PTPRA: variants seen among roughly 807,000 people sequenced by gnomAD.
PTPRA encodes the protein receptor-type tyrosine-protein phosphatase alpha.
PTPRA carries 25 observed loss-of-function variants against 104.8 expected under a neutral mutation model. The ratio of observed to expected loss-of-function variants is 0.24; its 90% confidence interval spans 0.17 to 0.33. PTPRA has a LOEUF of 0.33. Ranked by LOEUF, PTPRA falls within the 10% of genes least tolerant of loss-of-function variation. The pLI is 1.00. For synonymous variants in PTPRA, 323 were observed against 368.9 expected, an observed-to-expected ratio of 0.88 and a Z score of 1.43; for missense variants, 765 against 1,015.3, an observed-to-expected ratio of 0.75 and a Z score of 3.35.
At chr20:2,893,459 T>A (rs1164179576) in intron 1 of PTPRA, among the ~76,000 whole-genome samples, 1 of 152,216 alleles carries the variant, frequency 6.6e-6, no homozygotes, top group Non-Finnish European at 1.5e-5. Flanking sequence ...ATTTCTTACA[T>A]TTAGATGACA....
intron 3 of PTPRA, among the ~76,000 whole-genome samples, chr20:2,962,679 G>GT (rs2061797419): frequency 1.3e-5 from 2 of 152,202 alleles, no homozygotes; most frequent in Non-Finnish European, 2.9e-5. Context: ...GTTATAAAAT[G>GT]TAAGTTTTAT....
Position 2,888,835 on chromosome 20 carries a change from A to G in PTPRA, c.-129+15075A>G, listed in dbSNP as rs913300982. Among the ~76,000 whole-genome samples, 8 of 152,156 alleles carry G rather than the reference A, an allele frequency of 5.3e-5. No individual in the cohort carries two copies. The South Asian group carries it at 6.2e-4, about 12-fold the overall frequency. On this transcript the variant is annotated intron_variant, in intron 1 of 23. Transcript: ENST00000399903. ...CTTAAGTTTGGTATTTCAAGTAACA[A>G]TAAGGGAAGATAGGAGAGTTTTATG...
intron 1 of PTPRA, among the ~76,000 whole-genome samples, chr20:2,884,812 G>GTTTTTTTTT (rs34457101): frequency 1.7e-4 from 22 of 127,008 alleles, no homozygotes; most frequent in Non-Finnish European, 2.6e-4. Context: ...TGTTTTTTTT[G>GTTTTTTTTT]TTTTTTTTTT....
At position 3,037,659 on chromosome 20, in the gene PTPRA, A is replaced by C. The variant is rs2065867999; in HGVS notation, c.2334+370A>C. The stretch of plus-strand genomic sequence containing the variant: ...CGCACATCCACAGAGGTTTTCCTGA[A>C]TCCCATGGAGCTAGAAATGTTTGGG... On this transcript the variant is annotated intron_variant, in intron 23 of 23. Coordinates refer to ENST00000399903, the MANE Select transcript of PTPRA (RefSeq NM_001385305.1). This position sits in a 1 kb window ranked among gnomAD's most constrained non-coding sequence, Gnocchi z 4.3. Among the ~76,000 whole-genome samples the C allele has an allele frequency of 6.6e-6, 1 of 152,198 alleles. No individual in the cohort carries two copies. Among genetic ancestry groups the C allele is most frequent in the Non-Finnish European group, 1.5e-5 (1 of 68,042 alleles).
chr20:2,902,331 A>G (rs564093986), intron 1 of PTPRA, among the ~76,000 whole-genome samples: 1 of 152,210 alleles, frequency 6.6e-6, no homozygotes, highest in Non-Finnish European at 1.5e-5. Flanking sequence ...GGCACATTCA[A>G]CACAAATCAA....
intron 9 of PTPRA, among the ~76,000 whole-genome samples, chr20:2,995,045 G>A (rs1022088806): frequency 3.3e-5 from 5 of 151,792 alleles, no homozygotes; most frequent in African/African-American, 4.8e-5. Flanking sequence ...CAGGAGAATC[G>A]CTTGAACCCG....
intron 1 of PTPRA, among the ~76,000 whole-genome samples, chr20:2,885,815 C>T (rs2090349687): frequency 6.6e-6 from 1 of 152,198 alleles, no homozygotes; most frequent in South Asian, 2.1e-4. Flanking sequence ...CCTGTAATCC[C>T]AGCACTTTGG....
intron 6 of PTPRA, among the ~76,000 whole-genome samples, chr20:2,984,176 G>A (rs552419705): frequency 2.6e-5 from 4 of 152,178 alleles, no homozygotes; most frequent in African/African-American, 7.2e-5. Flanking sequence ...ACAAAGAAGC[G>A]TCATGTAATG....
intron 1 of PTPRA, among the ~76,000 whole-genome samples, chr20:2,898,337 C>T (rs1600080112): frequency 6.6e-6 from 1 of 151,732 alleles, no homozygotes; most frequent in Non-Finnish European, 1.5e-5. Flanking sequence ...ACCTCGGCCT[C>T]CCAAAGTGCT....
intron 9 of PTPRA, among the ~76,000 whole-genome samples, chr20:2,991,735 C>G (rs534447892): frequency 6.6e-6 from 1 of 152,152 alleles, no homozygotes; most frequent in Non-Finnish European, 1.5e-5. Flanking sequence ...ACCGTGTTCA[C>G]GAGCTCATTG....
intron 19 of PTPRA, 50 bp from the exon 20 acceptor site, chr20:3,027,656 TC>T: frequency 6.3e-7 from 1 of 1,594,538 alleles, no homozygotes; most frequent in Non-Finnish European, 8.6e-7. Flanking sequence ...TCTCCACTAG[TC>T]CCTCTGTGAT....
intron 2 of PTPRA, among the ~76,000 whole-genome samples, chr20:2,925,019 T>C (rs2060244628): frequency 6.6e-6 from 1 of 152,152 alleles, no homozygotes; most frequent in African/African-American, 2.4e-5. Context: ...ATACATACTT[T>C]TCTCATGGTA....
At chr20:2,872,444 C>T (rs1036771280), upstream of PTPRA, among the ~76,000 whole-genome samples, 1 of 152,268 alleles carries the variant, frequency 6.6e-6, no homozygotes, top group Non-Finnish European at 1.5e-5. This position sits in a 1 kb window ranked among gnomAD's most constrained non-coding sequence, Gnocchi z 7.9. Flanking sequence ...GCGTCCCCTA[C>T]CCGCAAGCTC....
intron 1 of PTPRA, among the ~76,000 whole-genome samples, chr20:2,915,981 A>AT (rs2059890592): frequency 1.3e-5 from 2 of 152,188 alleles, no homozygotes; most frequent in Non-Finnish European, 2.9e-5. Context: ...TTCCAAAAAA[A>AT]TAATAACAAT....
At chr20:2,927,550 T>G (rs1016791907) in intron 2 of PTPRA, among the ~76,000 whole-genome samples, 1 of 152,218 alleles carries the variant, frequency 6.6e-6, no homozygotes, top group Admixed American at 6.5e-5. Flanking sequence ...GGCCCAAATT[T>G]AGGCTAGTCG....
chr20:2,971,950 T>G (rs1486091815), intron 5 of PTPRA, among the ~76,000 whole-genome samples: 4 of 152,100 alleles, frequency 2.6e-5, no homozygotes, highest in African/African-American at 9.7e-5. Flanking sequence ...TTCCCCTGCC[T>G]CAGCCTCCGA....
At chr20:2,899,468 C>A (rs1048149520) in intron 1 of PTPRA, among the ~76,000 whole-genome samples, 1 of 151,622 alleles carries the variant, frequency 6.6e-6, no homozygotes, top group African/African-American at 2.4e-5. Context: ...TGTTAAAGTG[C>A]TAGAAAGTTG....
chr20:2,913,075 A>G (rs1449421615), intron 1 of PTPRA, among the ~76,000 whole-genome samples: 1 of 151,836 alleles, frequency 6.6e-6, no homozygotes. Flanking sequence ...TACTTTAATG[A>G]GCATTAAATC....
rs1214606569 is a variant in PTPRA, at chr20:3,020,320, G to A, written c.1042-989G>A. On this transcript the variant is annotated intron_variant, in intron 13 of 23. Coordinates refer to ENST00000399903, the MANE Select transcript of PTPRA (RefSeq NM_001385305.1). Reference sequence around the variant, plus strand: ...TCACTGTGTTAGGCAGGATGGTCTCGATCTCCTGACCTCGTGATCCACCCA... The same window carrying A: ...TCACTGTGTTAGGCAGGATGGTCTCAATCTCCTGACCTCGTGATCCACCCA... Among the ~76,000 whole-genome samples the A allele has an allele frequency of 5.3e-5, 8 of 151,972 alleles. No homozygotes were observed. The South Asian group carries it at 1.0e-3, about 20-fold the overall frequency.
Sources: gnomAD v4.1 joint callset for allele counts (sites outside exome capture counted in the v4.1 genomes callset) on GRCh38, gnomAD v4.1.1 for gene constraint, Gnocchi (gnomAD v3.1) non-coding constraint, MANE v1.5 for transcripts, NCBI Gene and HGNC (gene_info 2026-07-23, HGNC 2026-07-21) for gene names.